Variants in ACIN1 observed in about 807,000 individuals in gnomAD.
ACIN1 encodes the protein apoptotic chromatin condensation inducer in the nucleus.
A neutral mutation model predicts 146.6 loss-of-function variants in ACIN1; 16 were observed. The observed-to-expected ratio is 0.11, with a 90% CI of 0.07 to 0.17. The LOEUF is 0.17. ACIN1 is among the 10% of genes least tolerant of loss of function. The pLI, the probability that ACIN1 is intolerant of heterozygous loss-of-function variation, is 1.00. For synonymous variants in ACIN1, 569 were observed against 582.7 expected (o/e 0.98, Z 0.34); for missense variants, 1,357 against 1,609.3 (o/e 0.84, Z 2.68).
In ACIN1 at chr14:23,079,814, G is replaced by A. The variant is rs1271548341; in HGVS notation, c.1521C>T (p.Leu507=). 6.2e-7 allele frequency: 1 copy of A among 1,614,068 alleles called. No homozygotes were observed. The highest frequency in any genetic ancestry group is 1.3e-5 in the African/African-American group (1 of 74,906). The change falls in exon 6 of 19, where the codon CTC becomes CTT. Residue 507 remains leucine (L), a synonymous_variant. Transcript: ENST00000605057. ...CTGACTGTTTCAATCTGTGGCTTGG[G>A]AGAAGGGTATGAGAAGCTCTTCTGC... is the stretch of plus-strand genomic sequence containing the variant. ...KEGRRASHTL[L]PSHRLKQSAD...
chr14:23,083,413 A>T (rs901962734), intron 4 of ACIN1, among the ~76,000 whole-genome samples: 1 of 152,068 alleles, frequency 6.6e-6, no homozygotes, highest in African/African-American at 2.4e-5. Context: ...GCACTAGATG[A>T]TTTCCAAATT....
intron 8 of ACIN1, chr14:23,071,355 A>T: frequency 6.6e-7 from 1 of 1,525,824 alleles, no homozygotes; most frequent in Non-Finnish European, 8.8e-7. Context: ...TGGTAAATGG[A>T]AGGGGAGGTG....
chr14:23,090,727 G>T, intron 2 of ACIN1, 94 bp from the exon 3 acceptor site: 1 of 892,404 alleles, frequency 1.1e-6, no homozygotes, highest in Non-Finnish European at 1.7e-6. Flanking sequence ...ACTCCTTATA[G>T]TTGCGCCCAA....
intron 9 of ACIN1, 93 bp downstream of exon 9, chr14:23,069,383 A>T: frequency 6.7e-7 from 1 of 1,498,544 alleles, no homozygotes; most frequent in Non-Finnish European, 8.9e-7. Flanking sequence ...CTTTAAGTTA[A>T]CCCACCGTGT....
At chr14:23,070,801 A>T (rs1319479528) in intron 8 of ACIN1, among the ~76,000 whole-genome samples, 3 of 152,162 alleles carry the variant, frequency 2.0e-5, no homozygotes, top group Non-Finnish European at 4.4e-5. Context: ...ACCTCCCTAG[A>T]GCAGTCAAGA....
chr14:23,090,129 G>C, intron 3 of ACIN1, 28 bp from the exon 4 acceptor site: 3 of 1,606,734 alleles, frequency 1.9e-6, no homozygotes, highest in Non-Finnish European at 2.6e-6. Flanking sequence ...GGTCGGGGCA[G>C]GGAGGGAGTG....
intron 4 of ACIN1, among the ~76,000 whole-genome samples, chr14:23,087,856 C>G (rs1296625646): frequency 6.6e-6 from 1 of 152,164 alleles, no homozygotes; most frequent in East Asian, 1.9e-4. Context: ...TTTAAAAATA[C>G]CATTTTCATT....
At chr14:23,066,934 G>C (rs961377574) in intron 9 of ACIN1, among the ~76,000 whole-genome samples, 4 of 152,074 alleles carry the variant, frequency 2.6e-5, no homozygotes, top group Non-Finnish European at 5.9e-5. Context: ...TTCAAGTGTA[G>C]GTGCTTATTT....
chr14:23,077,510 T>C (rs1199933821), intron 8 of ACIN1, among the ~76,000 whole-genome samples: 1 of 152,244 alleles, frequency 6.6e-6, no homozygotes, highest in Non-Finnish European at 1.5e-5. Context: ...TAATTCTAAT[T>C]TAACCTGATA....
At chr14:23,066,363 G>A (rs574603578) in intron 9 of ACIN1, 8 of 173,384 alleles carry the variant, frequency 4.6e-5, no homozygotes, top group South Asian at 4.5e-4. Flanking sequence ...CTCTTTCACC[G>A]TCTGAGTCGA....
chr14:23,074,778 G>C (rs1478218293), intron 8 of ACIN1, among the ~76,000 whole-genome samples: 1 of 152,150 alleles, frequency 6.6e-6, no homozygotes, highest in Non-Finnish European at 1.5e-5. Context: ...CAACTACTTG[G>C]AGGCTAATAA....
intron 8 of ACIN1, 131 bp from the exon 9 acceptor site, chr14:23,069,748 T>C: frequency 1.3e-6 from 1 of 797,512 alleles, no homozygotes; most frequent in South Asian, 1.9e-5. Flanking sequence ...GAGGGCTGCT[T>C]TTCTGATCAA....
Position 23,067,805 on chromosome 14 carries a change from G to A in ACIN1, c.2265+1671C>T, listed in dbSNP as rs1224368851. 2.0e-6 allele frequency: 2 copies of A among 985,822 alleles called. No homozygotes were observed. Among genetic ancestry groups the A allele is most frequent in the African/African-American group, 1.7e-5 (1 of 57,226 alleles). 61.1% of individuals were successfully genotyped at this position (985,822 alleles called of 1,614,324 possible). A position where few individuals can be genotyped will look rare whatever the true frequency, so the allele number is the denominator to read the frequency against. ...TCCAGAGTCCCTTTCTCCTCTGCCT[G>A]TAACTGGGGAGGGGGTCCTCTCACC... On this transcript the variant is annotated intron_variant, in intron 9 of 18. Coordinates refer to ENST00000605057, the MANE Select transcript of ACIN1 (RefSeq NM_001386863.1). This position sits in a 1 kb window ranked among gnomAD's most constrained non-coding sequence, Gnocchi z 4.6.
At chr14:23,076,440 T>A (rs2140126460) in intron 8 of ACIN1, 1 of 152,232 alleles carries the variant, frequency 6.6e-6, no homozygotes, top group African/African-American at 2.4e-5. Context: ...ATTATCTCAG[T>A]CATAAAATGA....
chr14:23,062,545 C>T (rs1296386957), intron 14 of ACIN1, 22 bp from the exon 15 acceptor site: 9 of 1,604,204 alleles, frequency 5.6e-6, no homozygotes, highest in Non-Finnish European at 7.7e-6. Flanking sequence ...AATAGACTTT[C>T]AGGGTCTAGC....
intron 4 of ACIN1, among the ~76,000 whole-genome samples, chr14:23,083,950 ATT>A (rs879327435): frequency 6.9e-6 from 1 of 144,312 alleles, no homozygotes; most frequent in African/African-American, 2.5e-5. Flanking sequence ...CTTCTCTCTT[ATT>A]TTTTTTTTTT....
chr14:23,059,545 C>A, intron 18 of ACIN1, 71 bp from the exon 19 acceptor site: 2 of 1,250,916 alleles, frequency 1.6e-6, no homozygotes, highest in South Asian at 2.5e-5. Context: ...GTGCCTGGAC[C>A]CTGCCTCCTA....
chr14:23,080,457 T>A lies in ACIN1; in HGVS notation c.878A>T (p.His293Leu). 6.2e-7 allele frequency: 1 copy of A among 1,614,192 alleles called. No homozygotes were observed. Among genetic ancestry groups the A allele is most frequent in the Non-Finnish European group, 8.5e-7 (1 of 1,180,042 alleles). Residue 293 changes from histidine (H) to leucine (L), a missense_variant, in exon 6 of 19, where the codon CAT becomes CTT. His to Leu is a moderately conservative substitution (Grantham distance 99). This residue lies in a region of ACIN1 where 771 missense variants were observed against 746.6 expected (regional missense o/e 1.03). Coordinates refer to ENST00000605057, the MANE Select transcript of ACIN1 (RefSeq NM_001386863.1). Reference sequence around the variant, plus strand: ...CTTCTCCTGCTGCTGTCTGGCCAGATGACTTTTTCTAGCCTCTTCCTGGGA... The same window carrying A: ...CTTCTCCTGCTGCTGTCTGGCCAGAAGACTTTTTCTAGCCTCTTCCTGGGA... ...TRSQEEARKS[H>L]LARQQQEKEM...
chr14:23,061,214 A>C (rs2047268609), intron 17 of ACIN1, 30 bp from the exon 18 acceptor site: 1 of 1,613,672 alleles, frequency 6.2e-7, no homozygotes, highest in Non-Finnish European at 8.5e-7. Flanking sequence ...ACCAGATATG[A>C]TGCATCTGAC....
Sources: gnomAD v4.1 joint callset for allele counts (sites outside exome capture counted in the v4.1 genomes callset) on GRCh38, gnomAD v4.1.1 for gene constraint, gnomAD v4.1.1 regional missense constraint, Gnocchi (gnomAD v3.1) non-coding constraint, MANE v1.5 for transcripts, NCBI Gene and HGNC (gene_info 2026-07-23, HGNC 2026-07-21) for gene names.